PREX1: variants seen among roughly 807,000 people sequenced by gnomAD.
The protein encoded by PREX1 is phosphatidylinositol-3,4,5-trisphosphate dependent Rac exchange factor 1.
A neutral mutation model predicts 198.3 loss-of-function variants in PREX1; 41 were observed. That is an observed-to-expected ratio of 0.21 (90% CI 0.16 to 0.27). The LOEUF is 0.27. Among genes scored for constraint, PREX1 ranks in the 10% least tolerant of loss-of-function variants. PREX1 has a pLI of 1.00. For missense variants in PREX1, 1,620 were observed against 2,200.7 expected (o/e 0.74, Z 5.28); for synonymous variants, 843 against 887.2 (o/e 0.95, Z 0.89).
chr20:48,732,845 G>A (rs543033710), intron 4 of PREX1, among the ~76,000 whole-genome samples: 14 of 152,094 alleles, frequency 9.2e-5, no homozygotes, highest in African/African-American at 3.4e-4. Context: ...AAAGGAGAAG[G>A]GTATGCTCTC....
At chr20:48,777,852 T>G (rs2426102) in intron 1 of PREX1, among the ~76,000 whole-genome samples, 57,298 of 152,002 alleles carry the variant, frequency 0.38, 11,326 homozygotes, top group Non-Finnish European at 0.43. Context: ...ATCATCATCA[T>G]CAGCAGCAGC....
chr20:48,676,171 A>G lies in PREX1; in HGVS notation c.1665+22T>C, dbSNP rs752246236. 14 of 1,607,910 alleles carry G rather than the reference A, an allele frequency of 8.7e-6. No homozygotes were observed. The African/African-American group carries it at 1.9e-4, about 21-fold the overall frequency. On this transcript the variant is annotated intron_variant, in intron 14 of 39. Transcript: ENST00000371941. ...ACGGACAAAGCAGAACACTGGTCAC[A>G]CACCCCTGAGGAGGCCCTCACCTGA...
chr20:48,693,964 T>C (rs2089832905), intron 7 of PREX1, among the ~76,000 whole-genome samples: 1 of 151,430 alleles, frequency 6.6e-6, no homozygotes, highest in Non-Finnish European at 1.5e-5. Flanking sequence ...CAGGCTGGAG[T>C]ACAGTGGCAC....
intron 1 of PREX1, among the ~76,000 whole-genome samples, chr20:48,758,337 C>G (rs2090163971): frequency 6.6e-6 from 1 of 152,196 alleles, no homozygotes; most frequent in African/African-American, 2.4e-5. Context: ...GACAGAGCAG[C>G]TCAGAGCAGA....
rs141398646 is a variant in PREX1, at chr20:48,645,862, G to A, written c.3501C>T (p.Arg1167=). Residue 1167 remains arginine, a synonymous_variant, in exon 26 of 40, where the codon CGC becomes CGT. Transcript: ENST00000371941. ...EDSGHDTMSY[R]DSYSECNSNR... ...ACGGTGACACCCACCTGTAGGAGTC[G>A]CGATAACTCATGGTGTCGTGGCCTG... 1.7e-4 allele frequency: 267 copies of A among 1,614,082 alleles called. 1 individual carries two copies. The highest frequency in any genetic ancestry group is 1.5e-3 in the African/African-American group (115 of 75,040).
chr20:48,825,238 G>C (rs542152997), intron 1 of PREX1, among the ~76,000 whole-genome samples: 1 of 152,286 alleles, frequency 6.6e-6, no homozygotes, highest in South Asian at 2.1e-4. Flanking sequence ...TGGCTGGTCA[G>C]GTTACACAAT....
chr20:48,783,477 G>C (rs914660425), intron 1 of PREX1, among the ~76,000 whole-genome samples: 1 of 152,180 alleles, frequency 6.6e-6, no homozygotes, highest in Non-Finnish European at 1.5e-5. Context: ...CAATGGCAAA[G>C]AGACAGTGGC....
upstream of PREX1, among the ~76,000 whole-genome samples, chr20:48,829,497 G>C (rs1384396674): frequency 6.6e-6 from 1 of 152,220 alleles, no homozygotes; most frequent in East Asian, 1.9e-4. Context: ...TTGGGATCAT[G>C]GGCAAGGTAG....
the PREX1 span, among the ~76,000 whole-genome samples, chr20:48,859,010 C>A: frequency 2.0e-5 from 3 of 152,216 alleles, no homozygotes; most frequent in East Asian, 5.8e-4. Flanking sequence ...ATCCTCCCAT[C>A]TCAGCCTCCC....
chr20:48,827,837 C>A lies in PREX1; in HGVS notation c.24G>T (p.Glu8Asp). The A allele has an allele frequency of 2.0e-6, 2 of 981,044 alleles. No individual in the cohort carries two copies. Among genetic ancestry groups the A allele is most frequent in the South Asian group, 9.1e-5 (2 of 21,974 alleles). The allele number at this position is 981,044 out of a possible 1,614,324, so 60.8% of individuals were successfully genotyped here. ...AGTCCCCGGCCCCGTCGCCGCCGGG[C>A]TCGCTGCCGCTGGGCGCCTCCATTC... The part of the protein sequence containing the change: MEAPSGS[E>D]PGGDGAGDCA... Residue 8 changes from glutamate (E) to aspartate (D), a missense_variant, in exon 1 of 40, where the codon GAG becomes GAT. By Grantham distance (45) the Glu-to-Asp change is conservative. This residue lies in a region of PREX1 where 96 missense variants were observed against 98.7 expected (regional missense o/e 0.97). Coordinates refer to ENST00000371941, the MANE Select transcript of PREX1 (RefSeq NM_020820.4). The surrounding 1 kb of genome is among the most constrained non-coding windows in gnomAD (Gnocchi z 4.1).
chr20:48,878,254 A>G, the PREX1 span, among the ~76,000 whole-genome samples: 1 of 152,218 alleles, frequency 6.6e-6, no homozygotes, highest in Non-Finnish European at 1.5e-5. Context: ...GCATAGCCAC[A>G]AAAAGTATAC....
At chr20:48,714,284 C>A (rs866746464) in intron 5 of PREX1, among the ~76,000 whole-genome samples, 2 of 152,110 alleles carry the variant, frequency 1.3e-5, no homozygotes, top group Non-Finnish European at 2.9e-5. Flanking sequence ...ACTACCCCAA[C>A]GTGAAAGCCA....
At chr20:48,879,257 C>T in the PREX1 span, among the ~76,000 whole-genome samples, 48,502 of 152,034 alleles carry the variant, frequency 0.32, 7,968 homozygotes, top group African/African-American at 0.38. Context: ...TATTATTTTG[C>T]AGTTTCATCT....
chr20:48,664,305 G>A (rs1244350894), intron 15 of PREX1, among the ~76,000 whole-genome samples: 3 of 151,992 alleles, frequency 2.0e-5, no homozygotes, highest in Admixed American at 6.5e-5. Context: ...AACCCAGGAG[G>A]TGGAGCTTGC....
chr20:48,717,591 A>C (rs2089968091), intron 5 of PREX1, among the ~76,000 whole-genome samples: 1 of 152,214 alleles, frequency 6.6e-6, no homozygotes. Flanking sequence ...CATTGCAAAA[A>C]AAAACCCACA....
intron 15 of PREX1, among the ~76,000 whole-genome samples, chr20:48,664,332 G>A (rs961862945): frequency 2.6e-5 from 4 of 151,056 alleles, no homozygotes; most frequent in Non-Finnish European, 5.9e-5. Flanking sequence ...CCGAGATCCT[G>A]CCACTGCACT....
At chr20:48,739,907 A>C (rs1425638295) in intron 3 of PREX1, among the ~76,000 whole-genome samples, 2 of 152,332 alleles carry the variant, frequency 1.3e-5, no homozygotes, top group African/African-American at 4.8e-5. Flanking sequence ...AGTGTTGTGA[A>C]GTTTTAATGA....
chr20:48,631,914 C>T (rs2089317075), intron 35 of PREX1, among the ~76,000 whole-genome samples: 1 of 152,142 alleles, frequency 6.6e-6, no homozygotes, highest in African/African-American at 2.4e-5. Flanking sequence ...GCCCAAGAGT[C>T]CCAAGGTCCC....
At chr20:48,847,902 T>A in the PREX1 span, among the ~76,000 whole-genome samples, 1 of 152,264 alleles carries the variant, frequency 6.6e-6, no homozygotes, top group African/African-American at 2.4e-5. Context: ...TCACTCAACA[T>A]AAACAATGTT....
Sources: gnomAD v4.1 joint callset for allele counts (sites outside exome capture counted in the v4.1 genomes callset) on GRCh38, gnomAD v4.1.1 for gene constraint, gnomAD v4.1.1 regional missense constraint, Gnocchi (gnomAD v3.1) non-coding constraint, MANE v1.5 for transcripts, NCBI Gene and HGNC (gene_info 2026-07-23, HGNC 2026-07-21) for gene names.